Variants in PTCHD4 observed in about 807,000 individuals in gnomAD.
The protein encoded by PTCHD4 is patched domain-containing protein 4.
In PTCHD4, 33 loss-of-function variants were observed where a neutral mutation model predicts 58.1. That is an observed-to-expected ratio of 0.57 (90% CI 0.43 to 0.76). PTCHD4 has a LOEUF of 0.76. Among genes scored for constraint, PTCHD4 ranks in the 30% least tolerant of loss-of-function variants. The pLI is 0.00. For missense variants in PTCHD4, 1,058 were observed against 1,027.1 expected (o/e 1.03, Z -0.41); for synonymous variants, 478 against 409.6 (o/e 1.17, Z -2.02).
At chr6:48,095,317 A>G (rs1765442530) in intron 1 of PTCHD4, among the ~76,000 whole-genome samples, 1 of 152,222 alleles carries the variant, frequency 6.6e-6, no homozygotes, top group South Asian at 2.1e-4. Flanking sequence ...CTACGAAGAT[A>G]TACCTGTCTG....
intron 4 of PTCHD4, among the ~76,000 whole-genome samples, chr6:47,892,620 G>A (rs1255288382): frequency 1.3e-5 from 2 of 152,202 alleles, no homozygotes; most frequent in Admixed American, 6.5e-5. Context: ...TTTTTAAAAT[G>A]TCTGATTCAA....
intron 4 of PTCHD4, chr6:47,890,799 G>T: frequency 3.2e-6 from 2 of 623,666 alleles, no homozygotes; most frequent in Non-Finnish European, 4.0e-6. Flanking sequence ...CCACTGCAGA[G>T]CCAGCACACA....
chr6:48,006,251 G>A (rs1354903964), intron 4 of PTCHD4, among the ~76,000 whole-genome samples: 5 of 152,168 alleles, frequency 3.3e-5, no homozygotes, highest in Admixed American at 2.6e-4. Context: ...GTGTGTTGAA[G>A]GGTCTAGACT....
At chr6:47,992,920 C>T (rs1415109774) in intron 4 of PTCHD4, among the ~76,000 whole-genome samples, 1 of 152,044 alleles carries the variant, frequency 6.6e-6, no homozygotes, top group East Asian at 1.9e-4. Context: ...GATACAGATA[C>T]TCAATGAGAA....
intron 4 of PTCHD4, among the ~76,000 whole-genome samples, chr6:47,942,347 A>T (rs77615862): frequency 0.048 from 7,312 of 152,246 alleles, 208 homozygotes; most frequent in African/African-American, 0.063. Context: ...AAGAAAAATA[A>T]TTTTCCTTGC....
chr6:47,959,875 A>G (rs1767012285), intron 4 of PTCHD4, among the ~76,000 whole-genome samples: 1 of 152,000 alleles, frequency 6.6e-6, no homozygotes, highest in Non-Finnish European at 1.5e-5. Flanking sequence ...ATAGAAAAAA[A>G]AAAAGATGAA....
intron 1 of PTCHD4, among the ~76,000 whole-genome samples, chr6:48,089,881 T>C (rs1765331309): frequency 6.6e-6 from 1 of 152,240 alleles, no homozygotes; most frequent in Non-Finnish European, 1.5e-5. Context: ...TTACTTTGCC[T>C]CTTTTAAAAA....
At chr6:48,041,529 T>A (rs1206464740) in intron 3 of PTCHD4, among the ~76,000 whole-genome samples, 1 of 152,024 alleles carries the variant, frequency 6.6e-6, no homozygotes, top group Non-Finnish European at 1.5e-5. Flanking sequence ...AGAACTTCCA[T>A]CATTAAAGTG....
intron 4 of PTCHD4, among the ~76,000 whole-genome samples, chr6:48,000,942 G>A (rs933501432): frequency 6.6e-6 from 1 of 152,114 alleles, no homozygotes; most frequent in Non-Finnish European, 1.5e-5. Flanking sequence ...AAAATCACAA[G>A]CATTCTTATA....
At chr6:48,014,891 AG>A (rs1183648861) in intron 3 of PTCHD4, among the ~76,000 whole-genome samples, 2 of 152,124 alleles carry the variant, frequency 1.3e-5, no homozygotes, top group Non-Finnish European at 2.9e-5. Flanking sequence ...CTAGAGTCCT[AG>A]GGGAGCGATT....
Position 47,879,787 on chromosome 6 carries a change from T to G in PTCHD4, c.1048A>C (p.Met350Leu). Reference sequence around the variant, plus strand: ...ATGTTTGTGAATGGGCTGGCACCCATGCCAAAAGTGATGAAGTACAGGGAG... The same window carrying G: ...ATGTTTGTGAATGGGCTGGCACCCAGGCCAAAAGTGATGAAGTACAGGGAG... ...TSSLYFITFG[M>L]GASPFTNIEA... Residue 350 changes from methionine (M) to leucine (L), a missense_variant, in exon 5 of 5, where the codon ATG becomes CTG. Coordinates refer to ENST00000339488, the MANE Select transcript of PTCHD4 (RefSeq NM_001384253.1). 1 of 1,613,684 alleles carries G rather than the reference T, an allele frequency of 6.2e-7. No homozygotes were observed. The highest frequency in any genetic ancestry group is 1.3e-5 in the African/African-American group (1 of 75,008).
chr6:47,907,697 G>C (rs149858091), intron 4 of PTCHD4, among the ~76,000 whole-genome samples: 1 of 152,056 alleles, frequency 6.6e-6, no homozygotes, highest in African/African-American at 2.4e-5. Flanking sequence ...GACAATAGTC[G>C]CCCCATTCCA....
At chr6:48,019,321 A>G (rs368463211) in intron 3 of PTCHD4, among the ~76,000 whole-genome samples, 17 of 151,990 alleles carry the variant, frequency 1.1e-4, no homozygotes, top group Non-Finnish European at 1.3e-4. Flanking sequence ...TACAGTGCCT[A>G]TCTTCAAAGG....
rs181953299 is a variant in PTCHD4, at chr6:48,008,647, C to A, written c.885G>T (p.Pro295=). Reference sequence around the variant, plus strand: ...ATGGATAGTTACCCATGGCGAAGAACGGGATTCCCAGCAGGGTGGAGTTGT... The same window carrying A: ...ATGGATAGTTACCCATGGCGAAGAAAGGGATTCCCAGCAGGGTGGAGTTGT... ...GKYNSTLLGI[P]FFAMGHGTKG... Residue 295 remains proline (P), a synonymous_variant, in exon 4 of 5, where the codon CCG becomes CCT. Transcript: ENST00000339488. 3.4e-3 allele frequency: 5,489 copies of A among 1,612,744 alleles called. 33 individuals are homozygous for A. The highest frequency in any genetic ancestry group is 8.6e-3 in the South Asian group (783 of 90,852).
At chr6:48,074,103 G>C (rs961477475) in intron 1 of PTCHD4, among the ~76,000 whole-genome samples, 2 of 151,876 alleles carry the variant, frequency 1.3e-5, no homozygotes, top group African/African-American at 4.8e-5. Flanking sequence ...GGTTTAAGGA[G>C]TTTGCCAGGG....
rs557184505 is a variant in PTCHD4, at chr6:47,859,770, T to G, written c.*18533A>C. ...ATGAGATTGTCAGGAAAGGCCTCTC[T>G]AATGCATACTTATTTAATATTTAAG... On this transcript the variant is annotated 3_prime_UTR_variant, in exon 5 of 5. Coordinates refer to ENST00000339488, the MANE Select transcript of PTCHD4 (RefSeq NM_001384253.1). Among the ~76,000 whole-genome samples, 115 of 152,028 alleles carry G rather than the reference T, an allele frequency of 7.6e-4. No homozygotes were observed. The highest frequency in any genetic ancestry group is 1.1e-3 in the Non-Finnish European group (76 of 67,970).
chr6:47,927,752 A>G (rs936298748), intron 4 of PTCHD4, among the ~76,000 whole-genome samples: 5 of 151,782 alleles, frequency 3.3e-5, no homozygotes, highest in Non-Finnish European at 7.4e-5. Flanking sequence ...TAAAAAGTCA[A>G]TGGTTTTTTA....
chr6:48,083,334 G>T (rs2113895544), intron 1 of PTCHD4, among the ~76,000 whole-genome samples: 1 of 152,000 alleles, frequency 6.6e-6, no homozygotes, highest in African/African-American at 2.4e-5. Context: ...AGTAATAGTA[G>T]AGTATAATTT....
At chr6:47,947,790 C>T (rs1766482015) in intron 4 of PTCHD4, among the ~76,000 whole-genome samples, 1 of 152,102 alleles carries the variant, frequency 6.6e-6, no homozygotes, top group Non-Finnish European at 1.5e-5. Flanking sequence ...CTTTGGACCT[C>T]ATGACTCTGA....
Sources: gnomAD v4.1 joint callset for allele counts (sites outside exome capture counted in the v4.1 genomes callset) on GRCh38, gnomAD v4.1.1 for gene constraint, MANE v1.5 for transcripts, NCBI Gene and HGNC (gene_info 2026-07-23, HGNC 2026-07-21) for gene names.